LAT2: variants seen among roughly 807,000 people sequenced by gnomAD.
The protein encoded by LAT2 is linker for activation of T-cells family member 2.
LAT2 carries 23 observed loss-of-function variants against 43.4 expected under a neutral mutation model. The observed-to-expected ratio is 0.53, with a 90% CI of 0.38 to 0.75. LAT2 has a LOEUF of 0.75. Among genes scored for constraint, LAT2 ranks in the 30% least tolerant of loss-of-function variants. The probability of loss-of-function intolerance (pLI) is 0.00; values close to 1 mark genes in which losing one functional copy is unlikely to be tolerated. For missense variants in LAT2, 284 were observed against 310.2 expected (o/e 0.92, Z 0.64); for synonymous variants, 128 against 123.2 (o/e 1.04, Z -0.26).
At chr7:74,226,937 G>C (rs1310434190) in intron 13 of LAT2, among the ~76,000 whole-genome samples, 2 of 151,940 alleles carry the variant, frequency 1.3e-5, no homozygotes, top group African/African-American at 4.8e-5. Context: ...AGGAGCAGGT[G>C]AGGGGAAACT....
intron 3 of LAT2, among the ~76,000 whole-genome samples, chr7:74,216,439 T>A (rs1802050741): frequency 6.6e-6 from 1 of 152,142 alleles, no homozygotes; most frequent in Admixed American, 6.6e-5. Flanking sequence ...TGATGCAATC[T>A]TGGCTCACTG....
chr7:74,211,571 C>G (rs1156433738), intron 1 of LAT2, among the ~76,000 whole-genome samples: 1 of 152,096 alleles, frequency 6.6e-6, no homozygotes, highest in Non-Finnish European at 1.5e-5. Flanking sequence ...CATTCTCCTG[C>G]CTCAGCCTCC....
At chr7:74,219,921 TG>T (rs1284799041) in intron 5 of LAT2, 38 bp from the exon 6 acceptor site, 1 of 1,608,028 alleles carries the variant, frequency 6.2e-7, no homozygotes, top group Non-Finnish European at 8.5e-7. Flanking sequence ...CTGGGCTAGC[TG>T]GGGGCCCAGC....
At chr7:74,221,026 C>A (rs1273782404) in intron 9 of LAT2, among the ~76,000 whole-genome samples, 1 of 152,150 alleles carries the variant, frequency 6.6e-6, no homozygotes, top group African/African-American at 2.4e-5. Flanking sequence ...TCAGCATCAC[C>A]CAGTCAAAGA....
chr7:74,227,048 GT>G (rs1348899108), intron 13 of LAT2, among the ~76,000 whole-genome samples: 11 of 142,712 alleles, frequency 7.7e-5, no homozygotes, highest in Admixed American at 2.2e-4. Flanking sequence ...TAGAAAGGTT[GT>G]TTTTTCTTTT....
intron 12 of LAT2, 110 bp downstream of exon 12, chr7:74,224,307 C>T (rs547534084): frequency 1.3e-5 from 15 of 1,157,026 alleles, no homozygotes; most frequent in Middle Eastern, 2.2e-4. Context: ...CAGCTAACCC[C>T]GCAGTGATGC....
rs545760469 is a variant in LAT2, at chr7:74,222,586, T to C, written c.388+894T>C. On this transcript the variant is annotated intron_variant, in intron 10 of 13. Transcript: ENST00000460943. ...CCCCCCACCACTGCCACCTCCATTT[T>C]TTTTTTGAGACACAGCCTTGCTCTG... Among the ~76,000 whole-genome samples, 9 of 151,708 alleles carry C rather than the reference T, an allele frequency of 5.9e-5. No individual in the cohort carries two copies. In the South Asian group the frequency reaches 8.3e-4, roughly 14 times the overall value.
intron 13 of LAT2, chr7:74,224,975 G>A (rs1466387980): frequency 2.4e-6 from 1 of 424,864 alleles, no homozygotes; most frequent in Non-Finnish European, 4.3e-6. Context: ...GTGACTTCAG[G>A]GGCAAAGAAG....
chr7:74,219,968 C>T lies in LAT2; in HGVS notation c.187C>T (p.Gln63Ter). The change falls in exon 6 of 14, where the codon CAG becomes TAG. Residue 63 changes from glutamine to a stop codon, truncating the protein, a stop_gained. Coordinates refer to ENST00000460943, the MANE Select transcript of LAT2 (RefSeq NM_032464.3). LOFTEE classifies it high-confidence loss of function. ...CTTCTTGCCCTTTGTAGTGGTCGGG[C>T]AGGCATGGCCAGGACCCCTGGCGGA... is the stretch of plus-strand genomic sequence containing the variant. ...TGSRTYSLVG[Q>*]AWPGPLADMA... The T allele has an allele frequency of 6.2e-7, 1 of 1,613,596 alleles. No individual in the cohort carries two copies. Among genetic ancestry groups the T allele is most frequent in the Non-Finnish European group, 8.5e-7 (1 of 1,179,970 alleles).
chr7:74,210,938 G>A lies in LAT2; in HGVS notation c.-219+850G>A, dbSNP rs369351180. On this transcript the variant is annotated intron_variant, in intron 1 of 13. Coordinates refer to ENST00000460943, the MANE Select transcript of LAT2 (RefSeq NM_032464.3). ...CCCAACCACAGCTCAGCTCGGAGAA[G>A]GCTGGGAGAACCGGCAGGGTGGTCT... Among the ~76,000 whole-genome samples, 25 of 152,246 alleles carry A rather than the reference G, an allele frequency of 1.6e-4. No individual in the cohort carries two copies. The East Asian group carries it at 4.3e-3, about 26-fold the overall frequency.
In LAT2 at chr7:74,220,133, C is replaced by G; in HGVS notation, c.228-84C>G. 6.4e-7 allele frequency: 1 copy of G among 1,565,070 alleles called. No individual in the cohort carries two copies. Among genetic ancestry groups the G allele is most frequent in the Non-Finnish European group, 8.7e-7 (1 of 1,147,528 alleles). Reference sequence around the variant, plus strand: ...GCTCCAGGGCTCAGCTATGAAGGCCCCACAAGGGGTATGGGGGGATGTGTC... The same window carrying G: ...GCTCCAGGGCTCAGCTATGAAGGCCGCACAAGGGGTATGGGGGGATGTGTC... On this transcript the variant is annotated intron_variant, in intron 6 of 13. Transcript: ENST00000460943. This position sits in a 1 kb window ranked among gnomAD's most constrained non-coding sequence, Gnocchi z 4.5.
chr7:74,227,253 G>A (rs909899073), intron 13 of LAT2, among the ~76,000 whole-genome samples: 1 of 151,108 alleles, frequency 6.6e-6, no homozygotes, highest in Non-Finnish European at 1.5e-5. Flanking sequence ...AGGGAGTCTC[G>A]CTCTGTCACC....
At chr7:74,218,370 C>G (rs781899347) in intron 4 of LAT2, among the ~76,000 whole-genome samples, 2 of 152,184 alleles carry the variant, frequency 1.3e-5, no homozygotes, top group African/African-American at 2.4e-5. Flanking sequence ...AAGGCTGGGC[C>G]AGGTACCCAT....
chr7:74,212,250 A>C (rs888827345), intron 1 of LAT2, among the ~76,000 whole-genome samples: 5 of 151,024 alleles, frequency 3.3e-5, no homozygotes, highest in Non-Finnish European at 5.9e-5. Flanking sequence ...GCCTGATCCC[A>C]TTTTATTTAT....
intron 13 of LAT2, 121 bp from the exon 14 acceptor site, chr7:74,228,823 G>A (rs1277758576): frequency 1.3e-5 from 2 of 152,028 alleles, no homozygotes; most frequent in Admixed American, 6.6e-5. Context: ...ATTGATGTGC[G>A]GCTTCTGTTC....
chr7:74,220,656 G>A lies in LAT2; in HGVS notation c.301+37G>A, dbSNP rs1802231564. 2 of 1,613,870 alleles carry A rather than the reference G, an allele frequency of 1.2e-6. No individual in the cohort carries two copies. The highest frequency in any genetic ancestry group is 1.3e-5 in the African/African-American group (1 of 75,032). The stretch of plus-strand genomic sequence containing the variant: ...CCTGGAGAAAGGGGGAGGCCATGGT[G>A]GGGGCCACACCCAGGGGCTCAGGCC... On this transcript the variant is annotated intron_variant, in intron 8 of 13. Coordinates refer to ENST00000460943, the MANE Select transcript of LAT2 (RefSeq NM_032464.3). This position sits in a 1 kb window ranked among gnomAD's most constrained non-coding sequence, Gnocchi z 4.5.
At chr7:74,223,935 C>A in intron 11 of LAT2, 83 bp from the exon 12 acceptor site, 1 of 1,508,620 alleles carries the variant, frequency 6.6e-7, no homozygotes, top group East Asian at 2.3e-5. Context: ...AGCCTTGCCC[C>A]TACTATCCTC....
At position 74,219,971 on chromosome 7, in the gene LAT2, G is replaced by A. The variant is rs781992128; in HGVS notation, c.190G>A (p.Ala64Thr). 8.7e-6 allele frequency: 14 copies of A among 1,613,646 alleles called. No homozygotes were observed. The Admixed American group carries it at 2.2e-4, about 25-fold the overall frequency. Residue 64 changes from alanine to threonine, a missense_variant, in exon 6 of 14, where the codon GCA becomes ACA. Transcript: ENST00000460943. Reference sequence around the variant, plus strand: ...CTTGCCCTTTGTAGTGGTCGGGCAGGCATGGCCAGGACCCCTGGCGGACAT... The same window carrying A: ...CTTGCCCTTTGTAGTGGTCGGGCAGACATGGCCAGGACCCCTGGCGGACAT... Reference protein sequence around the residue: ...GSRTYSLVGQAWPGPLADMAP... With the variant: ...GSRTYSLVGQTWPGPLADMAP...
chr7:74,224,402 C>T (rs1210892173), intron 12 of LAT2, among the ~76,000 whole-genome samples: 4 of 152,214 alleles, frequency 2.6e-5, no homozygotes, highest in African/African-American at 9.6e-5. Context: ...GGGTCAGGTC[C>T]TCCCGGGCAG....
Sources: gnomAD v4.1 joint callset for allele counts (sites outside exome capture counted in the v4.1 genomes callset) on GRCh38, gnomAD v4.1.1 for gene constraint, Gnocchi (gnomAD v3.1) non-coding constraint, MANE v1.5 for transcripts, NCBI Gene and HGNC (gene_info 2026-07-23, HGNC 2026-07-21) for gene names.